Variants in YIPF1 observed in about 807,000 individuals in gnomAD.
The protein encoded by YIPF1 is protein YIPF1.
YIPF1 carries 22 observed loss-of-function variants against 37.0 expected under a neutral mutation model. The ratio of observed to expected loss-of-function variants is 0.59; its 90% CI spans 0.42 to 0.85. YIPF1 has a LOEUF of 0.85. Ranked by LOEUF, YIPF1 falls within the 40% of genes least tolerant of loss-of-function variation. The pLI, the probability that YIPF1 is intolerant of heterozygous loss-of-function variation, is 0.00. For synonymous variants in YIPF1, 128 were observed against 131.9 expected, an observed-to-expected ratio of 0.97 and a Z score of 0.21; for missense variants, 355 against 373.1, an observed-to-expected ratio of 0.95 and a Z score of 0.40.
At chr1:53,868,705 T>C (rs562513741) in intron 7 of YIPF1, among the ~76,000 whole-genome samples, 1 of 152,292 alleles carries the variant, frequency 6.6e-6, no homozygotes, top group Admixed American at 6.5e-5. Flanking sequence ...TCATACTTTT[T>C]ACATAAAACG....
intron 9 of YIPF1, among the ~76,000 whole-genome samples, chr1:53,863,014 G>C (rs1406320734): frequency 6.6e-6 from 1 of 152,156 alleles, no homozygotes; most frequent in Admixed American, 6.5e-5. Context: ...ACCCAGGCAT[G>C]ATGGGCCCCT....
chr1:53,867,533 C>T (rs889805968), intron 7 of YIPF1, among the ~76,000 whole-genome samples: 3 of 152,018 alleles, frequency 2.0e-5, no homozygotes, highest in Non-Finnish European at 4.4e-5. Context: ...CCACCACATC[C>T]GGCTAATTTT....
chr1:53,888,805 A>G, intron 3 of YIPF1, 102 bp downstream of exon 3: 2 of 1,164,416 alleles, frequency 1.7e-6, no homozygotes, highest in Non-Finnish European at 2.4e-6. Context: ...GATGTTTGAA[A>G]TAATATCCTT....
At chr1:53,870,460 G>A (rs1650156025) in intron 7 of YIPF1, among the ~76,000 whole-genome samples, 1 of 152,038 alleles carries the variant, frequency 6.6e-6, no homozygotes, top group Non-Finnish European at 1.5e-5. Flanking sequence ...ACAGGCATGA[G>A]CAACCATGTC....
chr1:53,854,378 G>GC (rs2100715443), intron 10 of YIPF1, among the ~76,000 whole-genome samples: 1 of 152,336 alleles, frequency 6.6e-6, no homozygotes, highest in East Asian at 1.9e-4. Context: ...TGCCCTTTGT[G>GC]CCAAAGTTGG....
At chr1:53,877,160 G>T (rs1353249446) in intron 6 of YIPF1, among the ~76,000 whole-genome samples, 1 of 152,074 alleles carries the variant, frequency 6.6e-6, no homozygotes, top group Non-Finnish European at 1.5e-5. Flanking sequence ...AGGCACTAAA[G>T]ACACTGAGGC....
chr1:53,853,672 G>A (rs1329018355), intron 10 of YIPF1, among the ~76,000 whole-genome samples: 1 of 152,208 alleles, frequency 6.6e-6, no homozygotes, highest in African/African-American at 2.4e-5. Flanking sequence ...CAAGTCTACT[G>A]GCTCAAGAAA....
chr1:53,870,160 CTTTTTTTTTTT>C (rs753978320), intron 7 of YIPF1, among the ~76,000 whole-genome samples: 26 of 91,214 alleles, frequency 2.9e-4, no homozygotes, highest in Admixed American at 4.0e-4. Flanking sequence ...CACCGGGTCT[CTTTTTTTTTTT>C]TTTTTTTTTT....
At chr1:53,861,922 A>C (rs1209663722) in intron 9 of YIPF1, among the ~76,000 whole-genome samples, 1 of 152,162 alleles carries the variant, frequency 6.6e-6, no homozygotes, top group African/African-American at 2.4e-5. Context: ...GCTGAGGGAC[A>C]AGAATTGCTT....
intron 9 of YIPF1, among the ~76,000 whole-genome samples, chr1:53,864,539 G>T (rs1012355730): frequency 2.0e-5 from 3 of 152,268 alleles, no homozygotes; most frequent in Admixed American, 6.5e-5. Flanking sequence ...TGCATTTAAT[G>T]AGACATGGTT....
chr1:53,886,019 A>T (rs1270426097), intron 3 of YIPF1, among the ~76,000 whole-genome samples: 1 of 151,916 alleles, frequency 6.6e-6, no homozygotes, highest in Non-Finnish European at 1.5e-5. Flanking sequence ...ATTTTTAAAA[A>T]GCAGTAGTTT....
At chr1:53,884,617 T>C (rs921141830) in intron 3 of YIPF1, among the ~76,000 whole-genome samples, 4 of 152,204 alleles carry the variant, frequency 2.6e-5, no homozygotes, top group African/African-American at 9.7e-5. Context: ...GGGGCAGCCT[T>C]AAGATGAACA....
At chr1:53,878,804 C>G (rs1650404547) in intron 4 of YIPF1, 82 bp from the exon 5 acceptor site, 5 of 1,337,908 alleles carry the variant, frequency 3.7e-6, no homozygotes, top group Non-Finnish European at 5.0e-6. Flanking sequence ...GGGATCTGAT[C>G]TAATGGAAAA....
At chr1:53,863,466 C>A (rs945507981) in intron 9 of YIPF1, among the ~76,000 whole-genome samples, 1 of 152,190 alleles carries the variant, frequency 6.6e-6, no homozygotes, top group Non-Finnish European at 1.5e-5. Flanking sequence ...GCTTTCACAG[C>A]CAGCTCATGG....
chr1:53,860,082 A>G lies in YIPF1; in HGVS notation c.903T>C (p.Ala301=). Residue 301 remains alanine, a synonymous_variant, in exon 10 of 11, where the codon GCT becomes GCC. Transcript: ENST00000072644. ...TTCCTCATTAGCTGGACTTGGCTGC[A>G]GCAACTGTTTGGTTTGGAGTAGCTG... is the stretch of plus-strand genomic sequence containing the variant. ...TTTATPNQTV[A]AAKSS The G allele has an allele frequency of 2.5e-6, 4 of 1,614,168 alleles. No individual in the cohort carries two copies. Among genetic ancestry groups the G allele is most frequent in the Non-Finnish European group, 3.4e-6 (4 of 1,180,008 alleles).
In YIPF1 at chr1:53,886,115, A is replaced by G. The variant is rs189207544; in HGVS notation, c.31+2792T>C. On this transcript the variant is annotated intron_variant, in intron 3 of 10. Coordinates refer to ENST00000072644, the MANE Select transcript of YIPF1 (RefSeq NM_018982.5). ...CAAAAAGGCCCCAAGGAGGGCGATA[A>G]CTCCTCTAGTTATTGGGATCAGGAA... is the stretch of plus-strand genomic sequence containing the variant. Among the ~76,000 whole-genome samples, 29 of 152,036 alleles carry G rather than the reference A, an allele frequency of 1.9e-4. No individual in the cohort carries two copies. In the East Asian group the frequency reaches 5.2e-3, roughly 27 times the overall value.
At chr1:53,888,506 T>C (rs1442859973) in intron 3 of YIPF1, among the ~76,000 whole-genome samples, 1 of 152,248 alleles carries the variant, frequency 6.6e-6, no homozygotes, top group Non-Finnish European at 1.5e-5. Context: ...GGGAATGATC[T>C]GATCACATTT....
chr1:53,885,773 T>C (rs1650632888), intron 3 of YIPF1, among the ~76,000 whole-genome samples: 1 of 139,366 alleles, frequency 7.2e-6, no homozygotes. Flanking sequence ...TGATCTGAGA[T>C]CATGTCACTG....
chr1:53,852,968 T>C (rs1348531359), intron 10 of YIPF1, among the ~76,000 whole-genome samples: 1 of 152,160 alleles, frequency 6.6e-6, no homozygotes, highest in Non-Finnish European at 1.5e-5. Context: ...ACACTGGGTA[T>C]GGTAACAACA....
Sources: gnomAD v4.1 joint callset for allele counts (sites outside exome capture counted in the v4.1 genomes callset) on GRCh38, gnomAD v4.1.1 for gene constraint, MANE v1.5 for transcripts, NCBI Gene and HGNC (gene_info 2026-07-23, HGNC 2026-07-21) for gene names.